Variants in CASS4 observed in about 807,000 individuals in gnomAD.
CASS4 encodes Cas scaffold protein family member 4, also known as cas scaffolding protein family member 4.
Under a neutral mutation model 54.2 loss-of-function variants are expected in CASS4, and 22 were observed. The observed-to-expected ratio is 0.41, with a 90% confidence interval of 0.29 to 0.58. The LOEUF (loss-of-function observed/expected upper bound fraction) is 0.58. Ranked by LOEUF, CASS4 falls within the 20% of genes least tolerant of loss-of-function variation. The pLI is 0.36. For synonymous variants in CASS4, 409 were observed against 391.5 expected, an observed-to-expected ratio of 1.04 and a Z score of -0.53; for missense variants, 854 against 986.7, an observed-to-expected ratio of 0.87 and a Z score of 1.80.
chr20:56,436,220 T>C (rs929999849), intron 1 of CASS4, among the ~76,000 whole-genome samples: 10 of 151,984 alleles, frequency 6.6e-5, no homozygotes, highest in South Asian at 4.2e-4. Flanking sequence ...AGCAATCTAA[T>C]AGTAATAACA....
chr20:56,451,487 G>A (rs1980993521), intron 4 of CASS4, among the ~76,000 whole-genome samples: 1 of 126,266 alleles, frequency 7.9e-6, no homozygotes, highest in Non-Finnish European at 1.6e-5. Context: ...GGGGTTTGGT[G>A]GATGGAAAAG....
At chr20:56,431,372 G>A (rs374255442) in intron 1 of CASS4, among the ~76,000 whole-genome samples, 2 of 152,142 alleles carry the variant, frequency 1.3e-5, no homozygotes, top group Non-Finnish European at 2.9e-5. Flanking sequence ...CTACTGAAAC[G>A]CTGAGGCATA....
chr20:56,434,043 A>T (rs1242333379), intron 1 of CASS4, among the ~76,000 whole-genome samples: 2 of 152,180 alleles, frequency 1.3e-5, no homozygotes, highest in African/African-American at 4.8e-5. Flanking sequence ...TCCTTGACAA[A>T]GATTTCTAAA....
chr20:56,435,550 A>C (rs143992087), intron 1 of CASS4, among the ~76,000 whole-genome samples: 1 of 152,206 alleles, frequency 6.6e-6, no homozygotes, highest in Non-Finnish European at 1.5e-5. Context: ...AGTTGCCTTC[A>C]TGTAATTACA....
At chr20:56,433,190 G>A (rs1434246682) in intron 1 of CASS4, among the ~76,000 whole-genome samples, 2 of 152,332 alleles carry the variant, frequency 1.3e-5, no homozygotes, top group African/African-American at 4.8e-5. Flanking sequence ...ATGTGCAAAG[G>A]TGTTGGGCAG....
intron 1 of CASS4, among the ~76,000 whole-genome samples, chr20:56,432,593 C>T (rs534029324): frequency 3.3e-5 from 5 of 152,154 alleles, no homozygotes; most frequent in Non-Finnish European, 7.4e-5. Flanking sequence ...GTCTGGAACT[C>T]CTGGCTTCAA....
rs571413631 is a variant in CASS4, at chr20:56,450,680, G to GT, written c.642+2dup. The stretch of plus-strand genomic sequence containing the variant: ...CCATCCCCCAGACAGCCAAGCAAGT[G>GT]TAAGTATGAAGAGGTGCTAAGGTGC... On this transcript the variant is annotated splice_donor_variant, in intron 4 of 5. Coordinates refer to ENST00000679887, the MANE Select transcript of CASS4 (RefSeq NM_020356.4). LOFTEE classifies it high-confidence loss of function. 1 of 1,613,886 alleles carries GT rather than the reference G, an allele frequency of 6.2e-7. No individual in the cohort carries two copies. The highest frequency in any genetic ancestry group is 1.1e-5 in the South Asian group (1 of 91,074).
In CASS4 at chr20:56,430,173, T is replaced by C. The variant is rs148884596; in HGVS notation, c.37-6991T>C. 1.2e-3 allele frequency among the ~76,000 whole-genome samples: 183 copies of C among 152,334 alleles called. No homozygotes were observed. The highest frequency in any genetic ancestry group is 4.3e-3 in the African/African-American group (178 of 41,584). ...CACTGTATCCTTGGCTGCTCGGGTT[T>C]AGATGAGCACATTGCACCTGCCAGC... On this transcript the variant is annotated intron_variant, in intron 1 of 5. Coordinates refer to ENST00000679887, the MANE Select transcript of CASS4 (RefSeq NM_020356.4). This position sits in a 1 kb window ranked among gnomAD's most constrained non-coding sequence, Gnocchi z 4.2.
Position 56,437,237 on chromosome 20 carries a change from T to C in CASS4, c.110T>C (p.Ile37Thr), listed in dbSNP as rs958032346. The C allele has an allele frequency of 1.5e-5, 24 of 1,612,654 alleles. No individual in the cohort carries two copies. Among genetic ancestry groups the C allele is most frequent in the Non-Finnish European group, 2.0e-5 (23 of 1,179,132 alleles). ...GAGCTGGCTTTCAGCAGAGGGGACA[T>C]CCTGACCATTCTGGAGCAACACGTG... ...SDELAFSRGDILTILEQHVPE... is the reference protein window; with the variant it reads ...SDELAFSRGDTLTILEQHVPE... The change falls in exon 2 of 6, where the codon ATC becomes ACC. Residue 37 changes from isoleucine (I) to threonine (T), a missense_variant. By Grantham distance (89) the Ile-to-Thr change is moderately conservative (BLOSUM62 -1). Coordinates refer to ENST00000679887, the MANE Select transcript of CASS4 (RefSeq NM_020356.4). The surrounding 1 kb of genome is among the most constrained non-coding windows in gnomAD (Gnocchi z 4.7).
At position 56,437,164 on chromosome 20, in the gene CASS4, G is replaced by A. The variant is rs1424811274; in HGVS notation, c.37G>A (p.Ala13Thr). 2 of 1,536,406 alleles carry A rather than the reference G, an allele frequency of 1.3e-6. No individual in the cohort carries two copies. The highest frequency in any genetic ancestry group is 1.8e-6 in the Non-Finnish European group (2 of 1,138,822). ...TCTCTTCTCCCCTCTCCACCCACAG[G>A]CACTCCTGGCCAGGGCACTTTATGA... is the stretch of plus-strand genomic sequence containing the variant. ...GTGIMDCAPK[A>T]LLARALYDNC... is the part of the protein sequence containing the mutation. The change falls in exon 2 of 6, where the codon GCA becomes ACA. Residue 13 changes from alanine to threonine, a missense_variant and splice_region_variant. Ala to Thr is a moderately conservative substitution (Grantham distance 58). Transcript: ENST00000679887. This position sits in a 1 kb window ranked among gnomAD's most constrained non-coding sequence, Gnocchi z 4.7.
chr20:56,433,484 G>A (rs1171494284), intron 1 of CASS4, among the ~76,000 whole-genome samples: 1 of 152,186 alleles, frequency 6.6e-6, no homozygotes, highest in Non-Finnish European at 1.5e-5. Context: ...TTTGTCCAAA[G>A]GGTAATAGGG....
In CASS4 at chr20:56,460,106, A is replaced by G. The variant is rs1981534522; in HGVS notation, c.*1359A>G. 4 of 152,520 alleles carry G rather than the reference A, an allele frequency of 2.6e-5. No individual in the cohort carries two copies. The highest frequency in any genetic ancestry group is 2.6e-4 in the Admixed American group (4 of 15,266). 9.4% of individuals were successfully genotyped at this position (152,520 alleles called of 1,614,324 possible). ...ATGTATGTGTCTTGCACCCATAAAT[A>G]TATATTTTTGCTATGTTACTTTAAC... On this transcript the variant is annotated 3_prime_UTR_variant, in exon 6 of 6. Transcript: ENST00000679887.
At chr20:56,449,437 C>T (rs1270814395) in intron 3 of CASS4, among the ~76,000 whole-genome samples, 1 of 151,356 alleles carries the variant, frequency 6.6e-6, no homozygotes, top group East Asian at 1.9e-4. Flanking sequence ...GGGTGGGGAA[C>T]ATCACACACC....
chr20:56,432,949 G>C (rs765078815), intron 1 of CASS4, among the ~76,000 whole-genome samples: 1 of 152,182 alleles, frequency 6.6e-6, no homozygotes, highest in Non-Finnish European at 1.5e-5. Context: ...AAATAGGAGC[G>C]CTCATCCTGG....
chr20:56,418,943 G>T (rs1303661244), intron 1 of CASS4, among the ~76,000 whole-genome samples: 1 of 152,004 alleles, frequency 6.6e-6, no homozygotes, highest in African/African-American at 2.4e-5. Flanking sequence ...ACTCATTATT[G>T]GTTCCCCTGT....
chr20:56,459,016 G>C lies in CASS4; in HGVS notation c.*269G>C. On this transcript the variant is annotated 3_prime_UTR_variant, in exon 6 of 6. Coordinates refer to ENST00000679887, the MANE Select transcript of CASS4 (RefSeq NM_020356.4). Reference sequence around the variant, plus strand: ...TGCAGTATCAGCTTGAAGTGACTTCGCAGAAATAATATTTTATATTGATTA... The same window carrying C: ...TGCAGTATCAGCTTGAAGTGACTTCCCAGAAATAATATTTTATATTGATTA... The C allele has an allele frequency of 2.5e-6, 1 of 394,778 alleles. No homozygotes were observed. Among genetic ancestry groups the C allele is most frequent in the Non-Finnish European group, 4.6e-6 (1 of 218,926 alleles). 24.5% of individuals were successfully genotyped at this position (394,778 alleles called of 1,614,324 possible).
At chr20:56,432,897 G>GT (rs201501428) in intron 1 of CASS4, among the ~76,000 whole-genome samples, 2 of 83,148 alleles carry the variant, frequency 2.4e-5, no homozygotes, top group East Asian at 3.7e-4. Context: ...AGTGTGGGCA[G>GT]GGGCGTCACA....
chr20:56,436,378 A>G (rs982841338), intron 1 of CASS4, among the ~76,000 whole-genome samples: 7 of 145,494 alleles, frequency 4.8e-5, no homozygotes, highest in Non-Finnish European at 7.5e-5. Flanking sequence ...ATATATGTAT[A>G]TATATATATA....
chr20:56,434,182 C>T (rs191229625), intron 1 of CASS4, among the ~76,000 whole-genome samples: 2 of 152,206 alleles, frequency 1.3e-5, no homozygotes, highest in African/African-American at 2.4e-5. Context: ...TGACAGCATC[C>T]GGAGCCCTGA....
Sources: allele counts gnomAD v4.1 joint callset (sites outside exome capture counted in the v4.1 genomes callset), GRCh38; gene constraint gnomAD v4.1.1; non-coding constraint Gnocchi (gnomAD v3.1); transcripts MANE v1.5; gene names NCBI Gene and HGNC (gene_info 2026-07-23, HGNC 2026-07-21).